The following DNMBP variants were observed in gnomAD, a reference collection of about 807,000 sequenced individuals.
DNMBP encodes the protein dynamin-binding protein.
A neutral mutation model predicts 150.0 loss-of-function variants in DNMBP; 87 were observed. The ratio of observed to expected loss-of-function variants is 0.58; its 90% CI spans 0.49 to 0.69. The LOEUF (loss-of-function observed/expected upper bound fraction) is 0.69. Among genes scored for constraint, DNMBP ranks in the 30% least tolerant of loss-of-function variants. The probability of loss-of-function intolerance (pLI) is 0.00; values close to 1 mark genes in which losing one functional copy is unlikely to be tolerated. For missense variants in DNMBP, 1,774 were observed against 1,949.0 expected, an observed-to-expected ratio of 0.91 and a Z score of 1.69; for synonymous variants, 711 against 750.4, an observed-to-expected ratio of 0.95 and a Z score of 0.86.
intron 10 of DNMBP, among the ~76,000 whole-genome samples, chr10:99,896,058 GA>G (rs1176464805): frequency 6.6e-6 from 1 of 152,180 alleles, no homozygotes; most frequent in African/African-American, 2.4e-5. Flanking sequence ...TAGAGGTGGT[GA>G]AAACTACCAT....
chr10:99,914,372 T>C (rs1368462038), intron 4 of DNMBP, among the ~76,000 whole-genome samples: 3 of 152,182 alleles, frequency 2.0e-5, no homozygotes, highest in South Asian at 2.1e-4. Flanking sequence ...GAATGCCCTT[T>C]TGAGGAAAGA....
chr10:99,914,363 A>G (rs2039938105), intron 4 of DNMBP, among the ~76,000 whole-genome samples: 1 of 152,152 alleles, frequency 6.6e-6, no homozygotes, highest in South Asian at 2.1e-4. Context: ...GGAAATGGGG[A>G]ATGCCCTTTT....
intron 1 of DNMBP, among the ~76,000 whole-genome samples, chr10:100,001,250 A>AAAAAAAAAAAAAAAAAAAAAAAAG (rs2041008235): frequency 8.5e-6 from 1 of 117,336 alleles, no homozygotes; most frequent in Non-Finnish European, 1.7e-5. Flanking sequence ...AAAAAAAAAA[A>AAAAAAAAAAAAAAAAAAAAAAAAG]AAAAAAAAAA....
intron 4 of DNMBP, among the ~76,000 whole-genome samples, chr10:99,926,451 GCAAT>G (rs1167577720): frequency 1.3e-5 from 2 of 152,126 alleles, no homozygotes; most frequent in African/African-American, 4.8e-5. Context: ...GCACTGAAAA[GCAAT>G]CAAAAGCAGG....
Position 99,909,141 on chromosome 10 carries a change from T to A in DNMBP, c.2266A>T (p.Thr756Ser). The change falls in exon 5 of 17, where the codon ACG (threonine) becomes TCG (serine). Residue 756 changes from threonine (T) to serine (S), a missense_variant. Coordinates refer to ENST00000324109, the MANE Select transcript of DNMBP (RefSeq NM_015221.4). Reference protein sequence around the residue: ...NMELQQLREMTLLSSQSSSLV... With the variant: ...NMELQQLREMSLLSSQSSSLV... ...GATGAAGACTGGGAGGAGAGGAGCG[T>A]CATTTCTAGAAGGGAAAAGAGAACT... 1 of 1,612,862 alleles carries A rather than the reference T, an allele frequency of 6.2e-7. No homozygotes were observed. Among genetic ancestry groups the A allele is most frequent in the Middle Eastern group, 1.7e-4 (1 of 6,040 alleles).
chr10:100,000,036 T>C (rs1020141662), intron 1 of DNMBP, among the ~76,000 whole-genome samples: 2 of 152,230 alleles, frequency 1.3e-5, no homozygotes, highest in Non-Finnish European at 2.9e-5. Flanking sequence ...AGCTTTTTAA[T>C]TTTTTAGCAT....
intron 1 of DNMBP, among the ~76,000 whole-genome samples, chr10:99,982,239 G>A (rs1271209117): frequency 6.6e-6 from 1 of 151,998 alleles, no homozygotes; most frequent in Non-Finnish European, 1.5e-5. Context: ...GAGCCCAGGA[G>A]CTCGAGACCA....
chr10:99,945,960 T>C (rs1195595440), intron 4 of DNMBP, among the ~76,000 whole-genome samples: 2 of 152,192 alleles, frequency 1.3e-5, no homozygotes, highest in Non-Finnish European at 2.9e-5. Context: ...AATGCTTTTT[T>C]TTCTTTTTTT....
Position 99,898,227 on chromosome 10 carries a change from T to C in DNMBP, c.2779A>G (p.Met927Val). 6.2e-7 allele frequency: 1 copy of C among 1,614,122 alleles called. No individual in the cohort carries two copies. The highest frequency in any genetic ancestry group is 8.5e-7 in the Non-Finnish European group (1 of 1,180,002). Residue 927 changes from methionine to valine, a missense_variant, in exon 9 of 17, where the codon ATG becomes GTG. Physicochemically the swap from Met to Val is conservative, Grantham distance 21. Around this residue, in one of 2 missense-constraint regions of DNMBP, gnomAD observed 1,430 missense variants for 1,492.5 expected, o/e 0.96. Coordinates refer to ENST00000324109, the MANE Select transcript of DNMBP (RefSeq NM_015221.4). ...TCCATTAGCAACAGCGGGTAACGCA[T>C]TACTCTCTGTACTGGTTTGATGAGG... is the stretch of plus-strand genomic sequence containing the variant. ...SFLIKPVQRV[M>V]RYPLLLMELL...
chr10:100,007,544 A>T (rs2041088183), intron 1 of DNMBP, among the ~76,000 whole-genome samples: 3 of 151,922 alleles, frequency 2.0e-5, no homozygotes, highest in African/African-American at 7.3e-5. Flanking sequence ...GACTCCTCAC[A>T]CAATGCCCTA....
At chr10:99,957,252 A>G in intron 3 of DNMBP, 47 bp from the exon 4 acceptor site, 1 of 1,534,820 alleles carries the variant, frequency 6.5e-7, no homozygotes, top group Non-Finnish European at 8.8e-7. Flanking sequence ...ATCACCCAGC[A>G]GAACATTATC....
At position 99,956,127 on chromosome 10, in the gene DNMBP, T is replaced by C. The variant is rs765119254; in HGVS notation, c.1347A>G (p.Leu449=). ...TGGCATAGTCTCTAGTCCTTGCTTC[T>C]AGGGGAAGAAGGTCGGGGTACTGTT... ...HSEQYPDLLP[L]EARTRDYASL... The change falls in exon 4 of 17, where the codon CTA becomes CTG. Residue 449 remains leucine (L), a synonymous_variant. Transcript: ENST00000324109. 1.2e-6 allele frequency: 2 copies of C among 1,614,134 alleles called. No homozygotes were observed. Among genetic ancestry groups the C allele is most frequent in the South Asian group, 2.2e-5 (2 of 91,076 alleles).
At chr10:99,981,118 T>TA (rs1488795642) in intron 1 of DNMBP, among the ~76,000 whole-genome samples, 1 of 151,772 alleles carries the variant, frequency 6.6e-6, no homozygotes, top group Admixed American at 6.6e-5. Context: ...CTTACCACAA[T>TA]AAAAAAAAAT....
Position 99,957,555 on chromosome 10 carries a change from G to C in DNMBP, c.269-350C>G, listed in dbSNP as rs1416208294. On this transcript the variant is annotated intron_variant, in intron 3 of 16. Coordinates refer to ENST00000324109, the MANE Select transcript of DNMBP (RefSeq NM_015221.4). The stretch of plus-strand genomic sequence containing the variant: ...CAATGGTGATTAAAACTGCTGGCCA[G>C]CTAGGTGCTGTGGCTTACACCAGAA... 1.2e-5 allele frequency: 3 copies of C among 250,290 alleles called. No homozygotes were observed. In the Admixed American group the frequency reaches 1.5e-4, roughly 13 times the overall value. 15.5% of individuals were successfully genotyped at this position (250,290 alleles called of 1,614,324 possible).
At chr10:99,953,931 G>C (rs2040452225) in intron 4 of DNMBP, among the ~76,000 whole-genome samples, 1 of 152,098 alleles carries the variant, frequency 6.6e-6, no homozygotes, top group African/African-American at 2.4e-5. Flanking sequence ...CCTGATTAAA[G>C]AAAGTTCTAC....
At chr10:99,904,767 G>A (rs944783144) in intron 6 of DNMBP, among the ~76,000 whole-genome samples, 13 of 152,266 alleles carry the variant, frequency 8.5e-5, no homozygotes, top group Non-Finnish European at 1.3e-4. Context: ...GACAAGAAGC[G>A]AAGGGAAGAA....
At chr10:99,887,093 A>ATT (rs77430741) in intron 12 of DNMBP, among the ~76,000 whole-genome samples, 6,780 of 145,262 alleles carry the variant, frequency 0.047, 182 homozygotes, top group South Asian at 0.09. Context: ...GGTAATACCC[A>ATT]TTTTTTTTTT....
chr10:99,936,776 C>A (rs2040236946), intron 4 of DNMBP, among the ~76,000 whole-genome samples: 1 of 152,172 alleles, frequency 6.6e-6, no homozygotes, highest in African/African-American at 2.4e-5. Flanking sequence ...ATGATCTAAG[C>A]TCACTGAAGC....
chr10:99,880,034 G>A lies in DNMBP; in HGVS notation c.4325C>T (p.Ser1442Phe), dbSNP rs757369348. 1 of 1,614,204 alleles carries A rather than the reference G, an allele frequency of 6.2e-7. No homozygotes were observed. The highest frequency in any genetic ancestry group is 8.5e-7 in the Non-Finnish European group (1 of 1,180,040). The stretch of plus-strand genomic sequence containing the variant: ...TGCAGAGTCCCCTGACCTTGGCTGG[G>A]AGGTGGAGTCTGGGTCTGAAGGGCA... Reference protein sequence around the residue: ...SRCPSDPDSTSQPRSGDSADV... With the variant: ...SRCPSDPDSTFQPRSGDSADV... Residue 1442 changes from serine (S) to phenylalanine (F), a missense_variant, in exon 16 of 17, where the codon TCC becomes TTC. By Grantham distance (155) the Ser-to-Phe change is radical. This residue lies in a region of DNMBP where 1,430 missense variants were observed against 1,492.5 expected (regional missense o/e 0.96). Transcript: ENST00000324109.
Sources: gnomAD v4.1 joint callset for allele counts (sites outside exome capture counted in the v4.1 genomes callset) on GRCh38, gnomAD v4.1.1 for gene constraint, gnomAD v4.1.1 regional missense constraint, MANE v1.5 for transcripts, NCBI Gene and HGNC (gene_info 2026-07-23, HGNC 2026-07-21) for gene names.